SEC61A2: variants seen among roughly 807,000 people sequenced by gnomAD.
SEC61A2 encodes the protein SEC61 translocon subunit alpha 2.
SEC61A2 carries 28 observed loss-of-function variants against 59.9 expected under a neutral mutation model. That is an observed-to-expected ratio of 0.47 (90% CI 0.35 to 0.64). The LOEUF (loss-of-function observed/expected upper bound fraction) is 0.64. SEC61A2 is among the 30% of genes least tolerant of loss of function. SEC61A2 has a pLI of 0.01. For synonymous variants in SEC61A2, 202 were observed against 214.4 expected, an observed-to-expected ratio of 0.94 and a Z score of 0.50; for missense variants, 340 against 585.9, an observed-to-expected ratio of 0.58 and a Z score of 4.33.
chr10:12,134,608 T>A (rs1833841439), intron 2 of SEC61A2, among the ~76,000 whole-genome samples: 1 of 152,164 alleles, frequency 6.6e-6, no homozygotes, highest in Non-Finnish European at 1.5e-5. Context: ...TTGTTGTAGC[T>A]GCTACTGAGG....
chr10:12,137,996 A>T (rs1193909613), intron 3 of SEC61A2, among the ~76,000 whole-genome samples: 1 of 152,182 alleles, frequency 6.6e-6, no homozygotes, highest in African/African-American at 2.4e-5. Context: ...ACAGAGCGAG[A>T]TGCTGTCTCA....
chr10:12,157,091 G>GT lies in SEC61A2; in HGVS notation c.777+25dup, dbSNP rs772017033. 4.3e-5 allele frequency: 69 copies of GT among 1,602,270 alleles called. No individual in the cohort carries two copies. The East Asian group carries it at 7.6e-4, about 18-fold the overall frequency. On this transcript the variant is annotated intron_variant, in intron 8 of 11. Coordinates refer to ENST00000298428, the MANE Select transcript of SEC61A2 (RefSeq NM_018144.4). ...AAGTAAGTATAACCTTTTCACCAAA[G>GT]TAAGTGGGATGTAGATTTTTATTTT...
chr10:12,133,319 T>C lies in SEC61A2; in HGVS notation c.75+11T>C. The C allele has an allele frequency of 6.9e-7, 1 of 1,440,796 alleles. No homozygotes were observed. The highest frequency in any genetic ancestry group is 9.7e-7 in the Non-Finnish European group (1 of 1,026,514). 89.3% of individuals were successfully genotyped at this position (1,440,796 alleles called of 1,614,324 possible). A position where few individuals can be genotyped will look rare whatever the true frequency, so the allele number is the denominator to read the frequency against. ...AAACCGGAAAGGAAAGTAAGTATAA[T>C]ATTTTAGTAATATAGAGGGTAGCTC... On this transcript the variant is annotated intron_variant, in intron 2 of 11. Coordinates refer to ENST00000298428, the MANE Select transcript of SEC61A2 (RefSeq NM_018144.4).
rs1834323545 is a variant in SEC61A2 at position 12,153,300 on chromosome 10, T to C, written c.463-2478T>C. ...CTTCAGTTTTGTTTCTTTACAGCAT[T>C]TTCTTTCTGCAATCCAGAGTTTAGA... On this transcript the variant is annotated intron_variant, in intron 6 of 11. Coordinates refer to ENST00000298428, the MANE Select transcript of SEC61A2 (RefSeq NM_018144.4). This position sits in a 1 kb window ranked among gnomAD's most constrained non-coding sequence, Gnocchi z 5.2. Among the ~76,000 whole-genome samples the C allele has an allele frequency of 6.6e-6, 1 of 152,178 alleles. No individual in the cohort carries two copies. The highest frequency in any genetic ancestry group is 6.5e-5 in the Admixed American group (1 of 15,274).
rs1564409653 is a variant in SEC61A2 at position 12,143,097 on chromosome 10, T to C, written c.142-20T>C. On this transcript the variant is annotated intron_variant, in intron 3 of 11. Transcript: ENST00000298428. This position sits in a 1 kb window ranked among gnomAD's most constrained non-coding sequence, Gnocchi z 4.8. ...CCTTATATAATACAGTTTCATAAAC[T>C]ATTTTGTGTACTATTTTAGATCCCA... 6.3e-7 allele frequency: 1 copy of C among 1,581,238 alleles called. No individual in the cohort carries two copies. Among genetic ancestry groups the C allele is most frequent in the East Asian group, 2.2e-5 (1 of 44,696 alleles).
intron 1 of SEC61A2, among the ~76,000 whole-genome samples, chr10:12,131,682 C>CTT (rs1199525836): frequency 0.076 from 3,541 of 46,532 alleles, 940 homozygotes; most frequent in South Asian, 0.13. Flanking sequence ...GATTACATAC[C>CTT]TTTTTTTTTT....
At chr10:12,151,018 GCCC>G (rs1834259605) in intron 6 of SEC61A2, among the ~76,000 whole-genome samples, 1 of 151,324 alleles carries the variant, frequency 6.6e-6, no homozygotes, top group Non-Finnish European at 1.5e-5. Context: ...CTCGTGATTC[GCCC>G]GCCTCGGCCT....
chr10:12,155,671 G>T lies in SEC61A2; in HGVS notation c.463-107G>T. On this transcript the variant is annotated intron_variant, in intron 6 of 11. Coordinates refer to ENST00000298428, the MANE Select transcript of SEC61A2 (RefSeq NM_018144.4). The surrounding 1 kb of genome is among the most constrained non-coding windows in gnomAD (Gnocchi z 4.3). ...ATCACAGTGAGATTGCAACGATCAG[G>T]CCTTAATATTCAAAACGCCCCTAGC... 7.8e-7 allele frequency: 1 copy of T among 1,284,976 alleles called. No homozygotes were observed. The highest frequency in any genetic ancestry group is 1.1e-6 in the Non-Finnish European group (1 of 900,058). 79.6% of individuals were successfully genotyped at this position (1,284,976 alleles called of 1,614,324 possible).
In SEC61A2 at chr10:12,148,165, T is replaced by A. The variant is rs951239817; in HGVS notation, c.221-1430T>A. Among the ~76,000 whole-genome samples, 9 of 151,026 alleles carry A rather than the reference T, an allele frequency of 6.0e-5. 1 individual carries two copies. Among genetic ancestry groups the A allele is most frequent in the Non-Finnish European group, 1.2e-4 (8 of 67,842 alleles). ...CATATTGGCCAGGCTGGTCTCAAAC[T>A]CCTGACCTCATGATCCTCCCACCTC... On this transcript the variant is annotated intron_variant, in intron 4 of 11. Transcript: ENST00000298428.
At position 12,153,810 on chromosome 10, in the gene SEC61A2, A is replaced by G. The variant is rs1485237843; in HGVS notation, c.463-1968A>G. The G allele has an allele frequency of 2.5e-6, 4 of 1,600,164 alleles. No individual in the cohort carries two copies. In the East Asian group the frequency reaches 6.8e-5, roughly 27 times the overall value. On this transcript the variant is annotated intron_variant, in intron 6 of 11. Coordinates refer to ENST00000298428, the MANE Select transcript of SEC61A2 (RefSeq NM_018144.4). The surrounding 1 kb of genome is among the most constrained non-coding windows in gnomAD (Gnocchi z 5.2). ...GGATCAGTGTGTTTCACCCAGAAAC[A>G]TAGGTTTTGAAAACTGTTTGCATGC...
Position 12,143,699 on chromosome 10 carries a change from A to G in SEC61A2, c.220+504A>G, listed in dbSNP as rs1834075758. Among the ~76,000 whole-genome samples, 1 of 152,036 alleles carries G rather than the reference A, an allele frequency of 6.6e-6. No homozygotes were observed. The highest frequency in any genetic ancestry group is 2.1e-4 in the South Asian group (1 of 4,800). ...AGTGAACTAAGATCGCACCACTGCA[A>G]TCCAGCCTGGGTAACAGAGTAAGAC... On this transcript the variant is annotated intron_variant, in intron 4 of 11. Coordinates refer to ENST00000298428, the MANE Select transcript of SEC61A2 (RefSeq NM_018144.4). This position sits in a 1 kb window ranked among gnomAD's most constrained non-coding sequence, Gnocchi z 4.8.
rs1834063920 is a variant in SEC61A2 at position 12,143,295 on chromosome 10, A to T, written c.220+100A>T. Reference sequence around the variant, plus strand: ...TTCAATGTCTACAGGGAGGGGGAGGATATCATTGCCTAGAAAAGCCTAGTA... The same window carrying T: ...TTCAATGTCTACAGGGAGGGGGAGGTTATCATTGCCTAGAAAAGCCTAGTA... On this transcript the variant is annotated intron_variant, in intron 4 of 11. Transcript: ENST00000298428. The surrounding 1 kb of genome is among the most constrained non-coding windows in gnomAD (Gnocchi z 4.8). The T allele has an allele frequency of 3.5e-6, 3 of 850,456 alleles. No individual in the cohort carries two copies. In the African/African-American group the frequency reaches 5.0e-5, roughly 14 times the overall value. 52.7% of individuals were successfully genotyped at this position (850,456 alleles called of 1,614,324 possible). A position where few individuals can be genotyped will look rare whatever the true frequency, so the allele number is the denominator to read the frequency against.
Position 12,155,761 on chromosome 10 carries a change from C to T in SEC61A2, c.463-17C>T, listed in dbSNP as rs748356017. On this transcript the variant is annotated splice_polypyrimidine_tract_variant and intron_variant, in intron 6 of 11. Coordinates refer to ENST00000298428, the MANE Select transcript of SEC61A2 (RefSeq NM_018144.4). This position sits in a 1 kb window ranked among gnomAD's most constrained non-coding sequence, Gnocchi z 4.3. ...GTTTGTTCTTGCTTCCGCTTACTTG[C>T]ATTTCTTTCCCCACAGTTGTTTGTT... 6.8e-6 allele frequency: 11 copies of T among 1,613,760 alleles called. No individual in the cohort carries two copies. Among genetic ancestry groups the T allele is most frequent in the Non-Finnish European group, 9.3e-6 (11 of 1,179,780 alleles).
Position 12,158,717 on chromosome 10 carries a change from G to A in SEC61A2, c.975+612G>A, listed in dbSNP as rs535213743. Among the ~76,000 whole-genome samples, 187 of 152,180 alleles carry A rather than the reference G, an allele frequency of 1.2e-3. No homozygotes were observed. The highest frequency in any genetic ancestry group is 4.2e-3 in the African/African-American group (176 of 41,528). On this transcript the variant is annotated intron_variant, in intron 9 of 11. Transcript: ENST00000298428. This position sits in a 1 kb window ranked among gnomAD's most constrained non-coding sequence, Gnocchi z 5.7. Reference sequence around the variant, plus strand: ...TGCACTCCAGCCTGGGCGACAGAACGAGACTCCGTCTCCAAAAAATAAAAA... The same window carrying A: ...TGCACTCCAGCCTGGGCGACAGAACAAGACTCCGTCTCCAAAAAATAAAAA...
At chr10:12,147,645 A>G (rs1193569586) in intron 4 of SEC61A2, among the ~76,000 whole-genome samples, 2 of 150,962 alleles carry the variant, frequency 1.3e-5, no homozygotes, top group African/African-American at 4.9e-5. Flanking sequence ...AGATCGTGCC[A>G]TTGTACTCCA....
At chr10:12,132,344 TGG>T (rs1833771786) in intron 1 of SEC61A2, among the ~76,000 whole-genome samples, 2 of 150,966 alleles carry the variant, frequency 1.3e-5, no homozygotes, top group South Asian at 2.1e-4. Flanking sequence ...CCAGGTGCCA[TGG>T]TTCATGCCTG....
At chr10:12,166,525 G>A (rs1737692292), downstream of SEC61A2, 1 of 296,606 alleles carries the variant, frequency 3.4e-6, no homozygotes, top group South Asian at 2.9e-5. Context: ...AATATCCTGG[G>A]CTCAGACAGT....
At chr10:12,151,938 A>T (rs1834284466) in intron 6 of SEC61A2, among the ~76,000 whole-genome samples, 1 of 152,144 alleles carries the variant, frequency 6.6e-6, no homozygotes, top group Admixed American at 6.5e-5. Context: ...TTTAAATTAG[A>T]AATGTTATGT....
At position 12,143,065 on chromosome 10, in the gene SEC61A2, G is replaced by C. The variant is rs528509221; in HGVS notation, c.142-52G>C. 2.7e-5 allele frequency: 38 copies of C among 1,387,976 alleles called. No individual in the cohort carries two copies. In the African/African-American group the frequency reaches 5.4e-4, roughly 20 times the overall value. 86.0% of individuals were successfully genotyped at this position (1,387,976 alleles called of 1,614,324 possible). On this transcript the variant is annotated intron_variant, in intron 3 of 11. Transcript: ENST00000298428. The surrounding 1 kb of genome is among the most constrained non-coding windows in gnomAD (Gnocchi z 4.8). ...CCTCCTGGGTTCAAGCGATTCTTAT[G>C]CCTCAGCCTTATATAATACAGTTTC...
Sources: gnomAD v4.1 joint callset for allele counts (sites outside exome capture counted in the v4.1 genomes callset) on GRCh38, gnomAD v4.1.1 for gene constraint, Gnocchi (gnomAD v3.1) non-coding constraint, MANE v1.5 for transcripts, NCBI Gene and HGNC (gene_info 2026-07-23, HGNC 2026-07-21) for gene names.